PLCZ1: variants seen among roughly 807,000 people sequenced by gnomAD.
PLCZ1 encodes phospholipase C zeta 1, also known as 1-phosphatidylinositol 4,5-bisphosphate phosphodiesterase zeta-1.
A neutral mutation model predicts 76.8 loss-of-function variants in PLCZ1; 64 were observed. The ratio of observed to expected loss-of-function variants is 0.83; its 90% CI spans 0.68 to 1.03. The LOEUF (loss-of-function observed/expected upper bound fraction) is 1.03, where lower values mean the gene tolerates loss of function less well. Among genes scored for constraint, PLCZ1 ranks in the 50% least tolerant of loss-of-function variants. The pLI is 0.00. For synonymous variants in PLCZ1, 248 were observed against 230.8 expected (o/e 1.07, Z -0.68); for missense variants, 751 against 713.7 (o/e 1.05, Z -0.60).
chr12:18,718,959 A>T (rs774386816), intron 5 of PLCZ1, among the ~76,000 whole-genome samples: 95 of 152,340 alleles, frequency 6.2e-4, no homozygotes, highest in Non-Finnish European at 1.3e-3. Context: ...ACTCTTTAAC[A>T]TACAAGTCTA....
chr12:18,688,128 C>G lies in PLCZ1; in HGVS notation c.1552G>C (p.Asp518His), dbSNP rs1287617910. The G allele has an allele frequency of 3.7e-6, 6 of 1,611,534 alleles. No individual in the cohort carries two copies. The highest frequency in any genetic ancestry group is 5.1e-6 in the Non-Finnish European group (6 of 1,179,020). ...ACACGAGTCTGCTGCTTCATTTGATCATTTGGAACACCAAAAACTTCTATA... is the reference window on the plus strand; with the variant it reads ...ACACGAGTCTGCTGCTTCATTTGATGATTTGGAACACCAAAAACTTCTATA... ...VIIEVFGVPN[D>H]QMKQQTRVIK... The change falls in exon 13 of 15, where the codon GAT (aspartate) becomes CAT (histidine). Residue 518 changes from aspartate to histidine, a missense_variant. Transcript: ENST00000266505.
chr12:18,665,962 G>C, the PLCZ1 span, among the ~76,000 whole-genome samples: 1 of 151,060 alleles, frequency 6.6e-6, no homozygotes, highest in African/African-American at 2.4e-5. Context: ...AGTTGGGCGT[G>C]GTGGTGCATG....
chr12:18,737,287 G>A, intron 2 of PLCZ1, 74 bp downstream of exon 2: 1 of 1,511,562 alleles, frequency 6.6e-7, no homozygotes, highest in Non-Finnish European at 9.2e-7. Flanking sequence ...TCCTCGAAAA[G>A]AATAACAGCA....
At chr12:18,694,466 T>TA (rs978976626) in intron 12 of PLCZ1, among the ~76,000 whole-genome samples, 1 of 151,950 alleles carries the variant, frequency 6.6e-6, no homozygotes, top group African/African-American at 2.4e-5. Context: ...TTCACAGACA[T>TA]ATGGGGGGAA....
chr12:18,665,540 C>A, the PLCZ1 span, among the ~76,000 whole-genome samples: 2 of 152,084 alleles, frequency 1.3e-5, no homozygotes, highest in Non-Finnish European at 2.9e-5. Flanking sequence ...TGCCTGTAAT[C>A]CCAGCACTTT....
In PLCZ1 at chr12:18,699,796, C is replaced by T. The variant is rs868146904; in HGVS notation, c.1172G>A (p.Arg391Gln). The change falls in exon 10 of 15, where the codon CGA becomes CAA. Residue 391 changes from arginine to glutamine, a missense_variant and splice_region_variant. Arg to Gln is a conservative substitution (Grantham distance 43). Coordinates refer to ENST00000266505, the MANE Select transcript of PLCZ1 (RefSeq NM_033123.4). ...ETQARKLSKL[R>Q]VHEFIFHTRK... is the part of the protein sequence containing the mutation. Reference sequence around the variant, plus strand: ...CTATTTGAGTCACAAAAATTTACCTCGCAATTTTGAAAGTTTTCGGGCTTG... The same window carrying T: ...CTATTTGAGTCACAAAAATTTACCTTGCAATTTTGAAAGTTTTCGGGCTTG... 13 of 1,612,878 alleles carry T rather than the reference C, an allele frequency of 8.1e-6. No individual in the cohort carries two copies. Among genetic ancestry groups the T allele is most frequent in the Middle Eastern group, 1.7e-4 (1 of 6,054 alleles).
chr12:18,668,305 T>C, the PLCZ1 span, among the ~76,000 whole-genome samples: 1 of 152,220 alleles, frequency 6.6e-6, no homozygotes, highest in African/African-American at 2.4e-5. Context: ...CGGATAATAA[T>C]TCTTTGGAAA....
intron 13 of PLCZ1, among the ~76,000 whole-genome samples, chr12:18,686,704 A>G (rs1411218934): frequency 6.6e-6 from 1 of 152,052 alleles, no homozygotes; most frequent in Non-Finnish European, 1.5e-5. Flanking sequence ...TCTAAATCAT[A>G]ATTATTTTAC....
chr12:18,669,002 G>A, the PLCZ1 span, among the ~76,000 whole-genome samples: 1 of 152,102 alleles, frequency 6.6e-6, no homozygotes, highest in African/African-American at 2.4e-5. Context: ...TTCCCCCGCT[G>A]AGCAAAAGCT....
intron 5 of PLCZ1, among the ~76,000 whole-genome samples, chr12:18,718,448 A>G (rs1255665558): frequency 6.6e-6 from 1 of 152,094 alleles, no homozygotes; most frequent in African/African-American, 2.4e-5. Context: ...TCCATGCTCT[A>G]CAAGATCCTC....
intron 6 of PLCZ1, 71 bp downstream of exon 6, chr12:18,712,771 G>A: frequency 6.5e-7 from 1 of 1,548,360 alleles, no homozygotes; most frequent in Non-Finnish European, 8.9e-7. Context: ...AAGCATTATA[G>A]GATTTTGAAG....
intron 5 of PLCZ1, among the ~76,000 whole-genome samples, chr12:18,716,774 T>C (rs1958034115): frequency 6.6e-6 from 1 of 152,244 alleles, no homozygotes; most frequent in African/African-American, 2.4e-5. Context: ...AATACTGTAA[T>C]TTTTGTTGTA....
chr12:18,719,166 C>T (rs115192830), intron 5 of PLCZ1, among the ~76,000 whole-genome samples: 1 of 152,024 alleles, frequency 6.6e-6, no homozygotes, highest in Non-Finnish European at 1.5e-5. Flanking sequence ...CAGCAAACTT[C>T]GGAGGGGCCA....
chr12:18,733,363 T>C (rs1959156692), intron 3 of PLCZ1, among the ~76,000 whole-genome samples: 1 of 152,210 alleles, frequency 6.6e-6, no homozygotes, highest in African/African-American at 2.4e-5. Context: ...TTATCAGATA[T>C]GTGGCTTGCA....
downstream of PLCZ1, among the ~76,000 whole-genome samples, chr12:18,679,213 G>T (rs1471729420): frequency 6.6e-6 from 1 of 151,680 alleles, no homozygotes; most frequent in Non-Finnish European, 1.5e-5. Flanking sequence ...ATATAGTCTG[G>T]ATATAAGTCC....
the PLCZ1 span, among the ~76,000 whole-genome samples, chr12:18,646,699 A>C: frequency 6.6e-6 from 1 of 152,170 alleles, no homozygotes; most frequent in Non-Finnish European, 1.5e-5. Flanking sequence ...GCAAGTTTGT[A>C]GCAGCATATG....
chr12:18,650,168 G>T, the PLCZ1 span, among the ~76,000 whole-genome samples: 1 of 151,720 alleles, frequency 6.6e-6, no homozygotes, highest in African/African-American at 2.4e-5. Context: ...AAGTACACAG[G>T]GATCAGGGAA....
At chr12:18,704,240 T>A (rs902532502) in intron 7 of PLCZ1, among the ~76,000 whole-genome samples, 1 of 152,166 alleles carries the variant, frequency 6.6e-6, no homozygotes, top group Non-Finnish European at 1.5e-5. Context: ...GGAACTTTCC[T>A]GTGAAGCAAT....
chr12:18,673,160 T>C, the PLCZ1 span, among the ~76,000 whole-genome samples: 1 of 152,214 alleles, frequency 6.6e-6, no homozygotes. Flanking sequence ...AATTTATTCA[T>C]GTTTTTAATG....
Sources: gnomAD v4.1 joint callset for allele counts (sites outside exome capture counted in the v4.1 genomes callset) on GRCh38, gnomAD v4.1.1 for gene constraint, MANE v1.5 for transcripts, NCBI Gene and HGNC (gene_info 2026-07-23, HGNC 2026-07-21) for gene names.